EIF4E3: variants seen among roughly 807,000 people sequenced by gnomAD.
The protein encoded by EIF4E3 is eukaryotic translation initiation factor 4E type 3.
In EIF4E3, 26 loss-of-function variants were observed where a neutral mutation model predicts 31.7. That is an observed-to-expected ratio of 0.82 (90% CI 0.60 to 1.14). The LOEUF (loss-of-function observed/expected upper bound fraction) is 1.14, where lower values mean the gene tolerates loss of function less well. Among genes scored for constraint, EIF4E3 ranks in the 50% most tolerant of loss-of-function variants. The probability of loss-of-function intolerance (pLI) is 0.00; values close to 1 mark genes in which losing one functional copy is unlikely to be tolerated. For synonymous variants in EIF4E3, 128 were observed against 107.7 expected (o/e 1.19, Z -1.17); for missense variants, 304 against 270.9 (o/e 1.12, Z -0.86).
rs370578515 is a variant in EIF4E3, at chr3:71,718,696, A to C, written c.176+6496T>G. On this transcript the variant is annotated intron_variant, in intron 1 of 6. Coordinates refer to ENST00000425534, the MANE Select transcript of EIF4E3 (RefSeq NM_001134651.2). The stretch of plus-strand genomic sequence containing the variant: ...GAAATGTTTTTGAGCAGCTAGTGCC[A>C]GGTAAGGACCAGAAACTTTTCTGAG... Among the ~76,000 whole-genome samples, 141 of 152,362 alleles carry C rather than the reference A, an allele frequency of 9.3e-4. 1 individual carries two copies. The South Asian group carries it at 0.028, about 30-fold the overall frequency.
At chr3:71,664,378 CA>C in the EIF4E3 span, among the ~76,000 whole-genome samples, 1 of 151,974 alleles carries the variant, frequency 6.6e-6, no homozygotes, top group East Asian at 1.9e-4. Context: ...CACCCAGAAT[CA>C]ATGCCTCCAT....
intron 3 of EIF4E3, among the ~76,000 whole-genome samples, chr3:71,698,678 A>T (rs4298016): frequency 0.19 from 29,330 of 152,078 alleles, 3,132 homozygotes; most frequent in African/African-American, 0.29. Flanking sequence ...AATGAGACCC[A>T]GACCTGGGAT....
chr3:71,708,406 C>T (rs1412951223), intron 2 of EIF4E3, among the ~76,000 whole-genome samples: 1 of 151,960 alleles, frequency 6.6e-6, no homozygotes, highest in African/African-American at 2.4e-5. Context: ...ATGTGCGTAC[C>T]CTTGTCAAAA....
rs529572958 is a variant in EIF4E3, at chr3:71,676,104, G to C, written c.*8578C>G. On this transcript the variant is annotated 3_prime_UTR_variant, in exon 7 of 7. Coordinates refer to ENST00000425534, the MANE Select transcript of EIF4E3 (RefSeq NM_001134651.2). ...GACAGAGCCACACACTACAGCAAAA[G>C]CACATTAAATTCTGCCCAGTTACTA... 27 of 152,286 alleles carry C rather than the reference G, an allele frequency of 1.8e-4. No individual in the cohort carries two copies. Among genetic ancestry groups the C allele is most frequent in the African/African-American group, 6.3e-4 (26 of 41,578 alleles). 9.4% of individuals were successfully genotyped at this position (152,286 alleles called of 1,614,324 possible). A position where few individuals can be genotyped will look rare whatever the true frequency, so the allele number is the denominator to read the frequency against.
chr3:71,699,489 T>C (rs547646640), intron 3 of EIF4E3, 125 bp downstream of exon 3: 1 of 844,632 alleles, frequency 1.2e-6, no homozygotes, highest in African/African-American at 1.7e-5. Context: ...CCCTGGGCCA[T>C]GATTGGTATC....
chr3:71,721,133 G>C (rs1298898843), intron 1 of EIF4E3, among the ~76,000 whole-genome samples: 1 of 152,218 alleles, frequency 6.6e-6, no homozygotes, highest in Admixed American at 6.5e-5. Context: ...ACTCCGAAGA[G>C]AGCTGAAGGC....
In EIF4E3 at chr3:71,705,656, C is replaced by T. The variant is rs115050523; in HGVS notation, c.249+4756G>A. Among the ~76,000 whole-genome samples, 1,301 of 152,276 alleles carry T rather than the reference C, an allele frequency of 8.5e-3. 16 individuals are homozygous for T. The highest frequency in any genetic ancestry group is 0.03 in the African/African-American group (1,240 of 41,544). ...AGAGTGCTGTACAGGAATGAGTTTT[C>T]AGGGGTGGAATTTTTAGTCTTGTAG... On this transcript the variant is annotated intron_variant, in intron 2 of 6. Coordinates refer to ENST00000425534, the MANE Select transcript of EIF4E3 (RefSeq NM_001134651.2).
intron 1 of EIF4E3, among the ~76,000 whole-genome samples, chr3:71,744,464 CG>C (rs1222019745): frequency 6.6e-6 from 1 of 151,974 alleles, no homozygotes; most frequent in Non-Finnish European, 1.5e-5. Flanking sequence ...TATTCACCTC[CG>C]GCTGGGCACG....
At chr3:71,718,395 T>C (rs1251396376) in intron 1 of EIF4E3, among the ~76,000 whole-genome samples, 3 of 152,208 alleles carry the variant, frequency 2.0e-5, no homozygotes, top group African/African-American at 4.8e-5. Flanking sequence ...TATTTCTGCA[T>C]GTTTATTTGA....
intron 6 of EIF4E3, among the ~76,000 whole-genome samples, chr3:71,687,583 C>A (rs991086710): frequency 3.3e-5 from 5 of 152,270 alleles, no homozygotes; most frequent in African/African-American, 4.8e-5. Flanking sequence ...ACAATTCTCA[C>A]ACCAGAAAAG....
upstream of EIF4E3, chr3:71,754,684 G>A: frequency 1.3e-6 from 2 of 1,498,018 alleles, no homozygotes; most frequent in Non-Finnish European, 1.8e-6. This position sits in a 1 kb window ranked among gnomAD's most constrained non-coding sequence, Gnocchi z 5.8. Flanking sequence ...CACGACCGCC[G>A]CAAGATGCGG....
chr3:71,710,627 AT>A, intron 1 of EIF4E3, 143 bp from the exon 2 acceptor site: 1 of 725,352 alleles, frequency 1.4e-6, no homozygotes, highest in Non-Finnish European at 2.3e-6. Flanking sequence ...GCTAGTTGGA[AT>A]TTAAAATGTG....
chr3:71,737,813 A>AT (rs1197840870), intron 1 of EIF4E3, among the ~76,000 whole-genome samples: 4 of 152,068 alleles, frequency 2.6e-5, no homozygotes, highest in Admixed American at 1.3e-4. Context: ...AACAACAGAG[A>AT]TTTTTTTCAT....
chr3:71,679,057 T>C lies in EIF4E3; in HGVS notation c.*5625A>G, dbSNP rs979131202. ...TTATCTGATTAAAGTCTGAGAACTT[T>C]GGGGAGAATTTAATGTATATCCACA... On this transcript the variant is annotated 3_prime_UTR_variant, in exon 7 of 7. Coordinates refer to ENST00000425534, the MANE Select transcript of EIF4E3 (RefSeq NM_001134651.2). The C allele has an allele frequency of 2.0e-5, 3 of 152,162 alleles. No homozygotes were observed. Among genetic ancestry groups the C allele is most frequent in the African/African-American group, 7.2e-5 (3 of 41,440 alleles). The allele number at this position is 152,162 out of a possible 1,614,324, so 9.4% of individuals were successfully genotyped here. A position where few individuals can be genotyped will look rare whatever the true frequency, so the allele number is the denominator to read the frequency against.
chr3:71,722,093 C>CGGG (rs68108146), intron 1 of EIF4E3, among the ~76,000 whole-genome samples: 27 of 38,252 alleles, frequency 7.1e-4, no homozygotes, highest in African/African-American at 1.4e-3. Context: ...GGCTTTTCCT[C>CGGG]GGGGGGGCGG....
chr3:71,675,166 T>C (rs1351735608), downstream of EIF4E3, among the ~76,000 whole-genome samples: 1 of 152,178 alleles, frequency 6.6e-6, no homozygotes, highest in Non-Finnish European at 1.5e-5. Flanking sequence ...GGTAGAAGCA[T>C]TTGCAAACAC....
downstream of EIF4E3, among the ~76,000 whole-genome samples, chr3:71,671,269 G>A (rs948780036): frequency 6.6e-6 from 1 of 152,070 alleles, no homozygotes; most frequent in Non-Finnish European, 1.5e-5. Flanking sequence ...TTGGGGAGGA[G>A]GGGGCCTTGG....
chr3:71,722,785 T>A (rs1013044998), intron 1 of EIF4E3, among the ~76,000 whole-genome samples: 6 of 152,120 alleles, frequency 3.9e-5, no homozygotes, highest in Non-Finnish European at 5.9e-5. Context: ...GGGGTGTGGG[T>A]ATGGGGAGGG....
chr3:71,690,287 A>T, intron 5 of EIF4E3, 122 bp from the exon 6 acceptor site: 1 of 1,116,830 alleles, frequency 9.0e-7, no homozygotes, highest in Non-Finnish European at 1.2e-6. Context: ...AGGTGGCACA[A>T]GATAACTTGT....
Sources: gnomAD v4.1 joint callset for allele counts (sites outside exome capture counted in the v4.1 genomes callset) on GRCh38, gnomAD v4.1.1 for gene constraint, Gnocchi (gnomAD v3.1) non-coding constraint, MANE v1.5 for transcripts, NCBI Gene and HGNC (gene_info 2026-07-23, HGNC 2026-07-21) for gene names.